The following TECPR2 variants were observed in gnomAD, a reference collection of about 807,000 sequenced individuals.
TECPR2 encodes tectonin beta-propeller repeat-containing protein 2.
In TECPR2, 65 loss-of-function variants were observed where a neutral mutation model predicts 138.1. The ratio of observed to expected loss-of-function variants is 0.47; its 90% CI spans 0.39 to 0.58. TECPR2 has a LOEUF of 0.58. Among genes scored for constraint, TECPR2 ranks in the 20% least tolerant of loss-of-function variants. The pLI is 0.00. For missense variants in TECPR2, 1,553 were observed against 1,824.5 expected (o/e 0.85, Z 2.71); for synonymous variants, 746 against 749.8 (o/e 0.99, Z 0.08).
In TECPR2 at chr14:102,499,542, G is replaced by A; in HGVS notation, c.*1285G>A. 1 of 398,034 alleles carries A rather than the reference G, an allele frequency of 2.5e-6. No individual in the cohort carries two copies. The highest frequency in any genetic ancestry group is 4.7e-6 in the Non-Finnish European group (1 of 214,548). The allele number at this position is 398,034 out of a possible 1,614,324, so 24.7% of individuals were successfully genotyped here. A position where few individuals can be genotyped will look rare whatever the true frequency, so the allele number is the denominator to read the frequency against. On this transcript the variant is annotated 3_prime_UTR_variant, in exon 20 of 20. Transcript: ENST00000359520. Reference sequence around the variant, plus strand: ...GGGACCTGCGGGCTGGCTCCGAGTGGCAGCCCATGCCTTCTGCGGGGTATG... The same window carrying A: ...GGGACCTGCGGGCTGGCTCCGAGTGACAGCCCATGCCTTCTGCGGGGTATG...
intron 17 of TECPR2, among the ~76,000 whole-genome samples, chr14:102,473,672 C>T (rs1435140885): frequency 6.6e-6 from 1 of 152,298 alleles, no homozygotes; most frequent in East Asian, 1.9e-4. Flanking sequence ...AAAGTTTTAA[C>T]AAAGTACTCA....
rs773926641 is a variant in TECPR2 at position 102,496,962 on chromosome 14, T to C, written c.3790-17T>C. On this transcript the variant is annotated splice_polypyrimidine_tract_variant and intron_variant, in intron 17 of 19. Transcript: ENST00000359520. ...ACCCAACTCCTGCCTTCCCTGAAAG[T>C]CCCTTCCCGCTTCCAGCCCGCCGGG... 1 of 1,612,428 alleles carries C rather than the reference T, an allele frequency of 6.2e-7. No homozygotes were observed. Among genetic ancestry groups the C allele is most frequent in the Admixed American group, 1.7e-5 (1 of 59,824 alleles).
intron 17 of TECPR2, among the ~76,000 whole-genome samples, chr14:102,483,010 ATT>A (rs779947458): frequency 2.1e-5 from 3 of 140,858 alleles, no homozygotes; most frequent in Non-Finnish European, 4.7e-5. Flanking sequence ...CGCCTGGCTA[ATT>A]TTTTTTTTTT....
At chr14:102,366,864 G>C (rs1229467369) in intron 1 of TECPR2, among the ~76,000 whole-genome samples, 1 of 152,188 alleles carries the variant, frequency 6.6e-6, no homozygotes, top group Non-Finnish European at 1.5e-5. Context: ...GGATTATGAA[G>C]CACATATGAT....
Position 102,434,431 on chromosome 14 carries a change from A to C in TECPR2, c.1614A>C (p.Pro538=). The change falls in exon 9 of 20, where the codon CCA becomes CCC. Residue 538 remains proline (P), a synonymous_variant. Transcript: ENST00000359520. ...TCAATGGTGAAGTGAACGGTGTCCC[A>C]CAGGAAAATACTGACCCCGAAACGT... ...SSFNGEVNGV[P]QENTDPETFN... is the part of the protein sequence containing the mutation. 1 of 1,531,574 alleles carries C rather than the reference A, an allele frequency of 6.5e-7. No homozygotes were observed. Among genetic ancestry groups the C allele is most frequent in the Non-Finnish European group, 8.8e-7 (1 of 1,141,278 alleles). The allele number at this position is 1,531,574 out of a possible 1,614,324, so 94.9% of individuals were successfully genotyped here. A position where few individuals can be genotyped will look rare whatever the true frequency, so the allele number is the denominator to read the frequency against.
chr14:102,462,435 C>A (rs1179135835), intron 16 of TECPR2, among the ~76,000 whole-genome samples: 1 of 152,166 alleles, frequency 6.6e-6, no homozygotes, highest in African/African-American at 2.4e-5. Context: ...AAATTGTCAT[C>A]TTTAGAAAAT....
At chr14:102,417,546 G>A (rs568760005) in intron 5 of TECPR2, among the ~76,000 whole-genome samples, 1 of 152,334 alleles carries the variant, frequency 6.6e-6, no homozygotes, top group East Asian at 1.9e-4. Context: ...GTCAGGAAAG[G>A]CCTCTACAAG....
At chr14:102,448,238 G>C (rs1022564365) in intron 13 of TECPR2, among the ~76,000 whole-genome samples, 7 of 152,184 alleles carry the variant, frequency 4.6e-5, no homozygotes, top group African/African-American at 7.2e-5. Context: ...GGGATTACAG[G>C]CGTGAGCCAC....
At chr14:102,481,209 G>A (rs923119207) in intron 17 of TECPR2, among the ~76,000 whole-genome samples, 1 of 151,716 alleles carries the variant, frequency 6.6e-6, no homozygotes, top group African/African-American at 2.4e-5. Flanking sequence ...TCTCCATGTT[G>A]GCCAGGCTGG....
Position 102,428,020 on chromosome 14 carries a change from C to T in TECPR2, c.952-230C>T, listed in dbSNP as rs117274676. Among the ~76,000 whole-genome samples the T allele has an allele frequency of 1.5e-3, 227 of 152,260 alleles. 3 individuals carry two copies. In the East Asian group the frequency reaches 0.034, roughly 23 times the overall value. The stretch of plus-strand genomic sequence containing the variant: ...GACGAGGGCAGGGTGGTACGTGGGT[C>T]GGAGATGACCGAGGCCCCACCATGC... On this transcript the variant is annotated intron_variant, in intron 6 of 19. Coordinates refer to ENST00000359520, the MANE Select transcript of TECPR2 (RefSeq NM_014844.5).
intron 17 of TECPR2, among the ~76,000 whole-genome samples, chr14:102,494,564 C>A (rs1401630595): frequency 6.6e-6 from 1 of 151,582 alleles, no homozygotes; most frequent in Non-Finnish European, 1.5e-5. Context: ...CGGTGGCTCA[C>A]GCCTGTAATC....
intron 17 of TECPR2, among the ~76,000 whole-genome samples, chr14:102,467,695 A>C (rs1414451106): frequency 6.6e-6 from 1 of 152,068 alleles, no homozygotes; most frequent in Non-Finnish European, 1.5e-5. Context: ...ATTTTTTAAT[A>C]CTAGTCATCA....
chr14:102,369,588 C>A (rs192129724), intron 1 of TECPR2, among the ~76,000 whole-genome samples: 1 of 152,048 alleles, frequency 6.6e-6, no homozygotes, highest in East Asian at 2.0e-4. Flanking sequence ...CCACACCTGG[C>A]TACTTTTTTG....
rs1481078825 is a variant in TECPR2 at position 102,487,562 on chromosome 14, G to A, written c.3790-9417G>A. The stretch of plus-strand genomic sequence containing the variant: ...TTTCTTTTCTTTTCTTTTTTTTTGA[G>A]ATGGAGTCTCGCTCTCTCCCCCAAG... On this transcript the variant is annotated intron_variant, in intron 17 of 19. Coordinates refer to ENST00000359520, the MANE Select transcript of TECPR2 (RefSeq NM_014844.5). Among the ~76,000 whole-genome samples, 4 of 151,918 alleles carry A rather than the reference G, an allele frequency of 2.6e-5. No homozygotes were observed. In the East Asian group the frequency reaches 7.7e-4, roughly 29 times the overall value.
intron 2 of TECPR2, among the ~76,000 whole-genome samples, chr14:102,393,228 G>A (rs1413429542): frequency 6.6e-6 from 1 of 152,118 alleles, no homozygotes; most frequent in Non-Finnish European, 1.5e-5. Flanking sequence ...TGAAAATTCA[G>A]CTGTGCATTT....
At chr14:102,464,928 AC>A (rs1322530256) in intron 16 of TECPR2, among the ~76,000 whole-genome samples, 1 of 151,944 alleles carries the variant, frequency 6.6e-6, no homozygotes, top group Non-Finnish European at 1.5e-5. Flanking sequence ...GGCCATTATT[AC>A]TCTCTTGAGT....
At chr14:102,437,120 G>C (rs1390291137) in intron 9 of TECPR2, 2 of 985,146 alleles carry the variant, frequency 2.0e-6, no homozygotes, top group Non-Finnish European at 2.4e-6. Flanking sequence ...GGGCTGGATT[G>C]AGAAGAGTTG....
At chr14:102,466,495 T>C (rs1257887861) in intron 17 of TECPR2, among the ~76,000 whole-genome samples, 2 of 152,160 alleles carry the variant, frequency 1.3e-5, no homozygotes, top group East Asian at 1.9e-4. Context: ...CACTGCCATG[T>C]TTAGCACTGC....
intron 2 of TECPR2, among the ~76,000 whole-genome samples, chr14:102,384,821 G>A (rs1887950949): frequency 6.9e-6 from 1 of 145,328 alleles, no homozygotes; most frequent in Non-Finnish European, 1.5e-5. Context: ...AACCAAGGAT[G>A]CCAGACTCAT....
Sources: gnomAD v4.1 joint callset for allele counts (sites outside exome capture counted in the v4.1 genomes callset) on GRCh38, gnomAD v4.1.1 for gene constraint, MANE v1.5 for transcripts, NCBI Gene and HGNC (gene_info 2026-07-23, HGNC 2026-07-21) for gene names.